Variants in SUGCT observed in about 807,000 individuals in gnomAD.
SUGCT encodes the protein succinyl-CoA:glutarate CoA-transferase.
In SUGCT, 41 loss-of-function variants were observed where a neutral mutation model predicts 55.0. That is an observed-to-expected ratio of 0.74 (90% CI 0.58 to 0.97). The LOEUF (loss-of-function observed/expected upper bound fraction) is 0.97. SUGCT is among the 50% of genes least tolerant of loss of function. The probability of loss-of-function intolerance (pLI) is 0.00; values close to 1 mark genes in which losing one functional copy is unlikely to be tolerated. For missense variants in SUGCT, 568 were observed against 547.8 expected (o/e 1.04, Z -0.37); for synonymous variants, 187 against 200.4 (o/e 0.93, Z 0.56).
At position 40,860,708 on chromosome 7, in the gene SUGCT, C is replaced by A; in HGVS notation, c.*229C>A. On this transcript the variant is annotated 3_prime_UTR_variant, in exon 14 of 14. Coordinates refer to ENST00000335693, the MANE Select transcript of SUGCT (RefSeq NM_001193313.2). Reference sequence around the variant, plus strand: ...CATCTTTTTTTTCAGATGATGATTTCATTATGGATTTGTGGGATTTTTAAA... The same window carrying A: ...CATCTTTTTTTTCAGATGATGATTTAATTATGGATTTGTGGGATTTTTAAA... 2.5e-6 allele frequency: 1 copy of A among 393,364 alleles called. No individual in the cohort carries two copies. The highest frequency in any genetic ancestry group is 4.4e-6 in the Non-Finnish European group (1 of 225,332). 24.4% of individuals were successfully genotyped at this position (393,364 alleles called of 1,614,324 possible). A position where few individuals can be genotyped will look rare whatever the true frequency, so the allele number is the denominator to read the frequency against.
the SUGCT span, among the ~76,000 whole-genome samples, chr7:40,973,180 C>T: frequency 6.6e-6 from 1 of 152,200 alleles, no homozygotes. Flanking sequence ...AAGTCTCTTC[C>T]TACCCATGAG....
intron 12 of SUGCT, among the ~76,000 whole-genome samples, chr7:40,691,793 G>T (rs1182048662): frequency 6.6e-6 from 1 of 152,050 alleles, no homozygotes; most frequent in Admixed American, 6.6e-5. Flanking sequence ...TTCAACAACC[G>T]CCTTCTTCTT....
At chr7:40,506,266 G>T (rs1310443365) in intron 12 of SUGCT, among the ~76,000 whole-genome samples, 1 of 151,816 alleles carries the variant, frequency 6.6e-6, no homozygotes, top group Non-Finnish European at 1.5e-5. Flanking sequence ...ATTTTGCTGG[G>T]TATGATTCTT....
At chr7:40,778,730 C>T (rs777727683) in intron 13 of SUGCT, among the ~76,000 whole-genome samples, 1 of 152,162 alleles carries the variant, frequency 6.6e-6, no homozygotes, top group Non-Finnish European at 1.5e-5. Context: ...TTACCCTGAC[C>T]GTCCCACTTA....
At chr7:40,180,090 G>A (rs1313226356) in intron 1 of SUGCT, among the ~76,000 whole-genome samples, 1 of 151,936 alleles carries the variant, frequency 6.6e-6, no homozygotes. Context: ...CCAATCACAC[G>A]CACTTCAAAT....
At chr7:40,236,344 G>A (rs989165062) in intron 6 of SUGCT, among the ~76,000 whole-genome samples, 2 of 147,264 alleles carry the variant, frequency 1.4e-5, no homozygotes, top group Admixed American at 1.4e-4. Context: ...GAGCCACCAC[G>A]CCTGGCCTGA....
chr7:40,771,976 C>A (rs1408962596), intron 13 of SUGCT, among the ~76,000 whole-genome samples: 1 of 152,106 alleles, frequency 6.6e-6, no homozygotes, highest in African/African-American at 2.4e-5. Context: ...TAGTATTTTT[C>A]ATCTTGCTCC....
At chr7:40,766,862 T>TACCAG (rs1788817936) in intron 13 of SUGCT, among the ~76,000 whole-genome samples, 1 of 152,216 alleles carries the variant, frequency 6.6e-6, no homozygotes, top group African/African-American at 2.4e-5. Flanking sequence ...GTTACTGGTA[T>TACCAG]TATTACTGTG....
intron 12 of SUGCT, among the ~76,000 whole-genome samples, chr7:40,646,780 T>C (rs1800538553): frequency 6.6e-6 from 1 of 152,198 alleles, no homozygotes. Context: ...TTCTTTTTGG[T>C]GTTTATCTCA....
the SUGCT span, among the ~76,000 whole-genome samples, chr7:40,938,109 T>C: frequency 6.6e-6 from 1 of 152,214 alleles, no homozygotes; most frequent in Non-Finnish European, 1.5e-5. Flanking sequence ...AGGTTCCTAA[T>C]AGGCCACGGA....
intron 1 of SUGCT, 77 bp downstream of exon 1, chr7:40,135,197 C>CAATT: frequency 1.4e-5 from 21 of 1,454,600 alleles, no homozygotes; most frequent in Non-Finnish European, 1.9e-5. Context: ...CTGAGGAGAG[C>CAATT]AATTAGGGTC....
intron 12 of SUGCT, among the ~76,000 whole-genome samples, chr7:40,724,309 A>G (rs892325279): frequency 2.0e-5 from 3 of 152,152 alleles, no homozygotes; most frequent in Non-Finnish European, 2.9e-5. Flanking sequence ...TCTTATTAAG[A>G]AAGTCTGGGG....
chr7:40,382,431 T>C (rs1008163343), intron 9 of SUGCT, among the ~76,000 whole-genome samples: 1 of 152,152 alleles, frequency 6.6e-6, no homozygotes, highest in Non-Finnish European at 1.5e-5. Context: ...CTCCACTTTA[T>C]TGGATAGGAA....
chr7:40,442,819 C>T (rs191657422), intron 9 of SUGCT, among the ~76,000 whole-genome samples: 166 of 152,218 alleles, frequency 1.1e-3, no homozygotes, highest in African/African-American at 3.8e-3. Context: ...GTGTGCTGCA[C>T]CCATTAACTC....
chr7:40,769,477 A>T (rs942886841), intron 13 of SUGCT, among the ~76,000 whole-genome samples: 34 of 152,330 alleles, frequency 2.2e-4, no homozygotes, highest in African/African-American at 7.9e-4. Context: ...CCATCATTTT[A>T]TAAGAGGGAC....
intron 12 of SUGCT, among the ~76,000 whole-genome samples, chr7:40,636,477 AG>A (rs1800027594): frequency 6.6e-6 from 1 of 152,204 alleles, no homozygotes. Context: ...TCACTAAGGT[AG>A]GCCCACAGTC....
intron 9 of SUGCT, among the ~76,000 whole-genome samples, chr7:40,338,404 T>C (rs892671618): frequency 1.2e-4 from 18 of 152,172 alleles, no homozygotes; most frequent in Non-Finnish European, 2.6e-4. Context: ...GTAGATTTGG[T>C]CTTTTCACAT....
chr7:40,820,139 C>G lies in SUGCT; in HGVS notation c.1154-40177C>G, dbSNP rs1414495241. 3.3e-5 allele frequency among the ~76,000 whole-genome samples: 5 copies of G among 152,142 alleles called. No individual in the cohort carries two copies. In the East Asian group the frequency reaches 5.8e-4, roughly 18 times the overall value. The stretch of plus-strand genomic sequence containing the variant: ...TTGGCCTATATCTCTGTTTTGGTAC[C>G]AGTACCATGCTGTTTTGGTTACTGT... On this transcript the variant is annotated intron_variant, in intron 13 of 13. Coordinates refer to ENST00000335693, the MANE Select transcript of SUGCT (RefSeq NM_001193313.2).
intron 13 of SUGCT, among the ~76,000 whole-genome samples, chr7:40,793,509 T>C (rs1790412961): frequency 6.6e-6 from 1 of 152,194 alleles, no homozygotes; most frequent in African/African-American, 2.4e-5. Flanking sequence ...TAGGTAATCT[T>C]TTCTCTTTCT....
Sources: allele counts gnomAD v4.1 joint callset (sites outside exome capture counted in the v4.1 genomes callset), GRCh38; gene constraint gnomAD v4.1.1; transcripts MANE v1.5; gene names NCBI Gene and HGNC (gene_info 2026-07-23, HGNC 2026-07-21).